Variants in IQCJ observed in about 807,000 individuals in gnomAD.
IQCJ encodes IQ motif containing J.
In IQCJ, 9 loss-of-function variants were observed where a neutral mutation model predicts 11.0. That is an observed-to-expected ratio of 0.82 (90% CI 0.49 to 1.43). IQCJ has a LOEUF of 1.43. IQCJ is among the 40% of genes most tolerant of loss of function. The pLI, the probability that IQCJ is intolerant of heterozygous loss-of-function variation, is 0.00. For synonymous variants in IQCJ, 55 were observed against 51.3 expected, an observed-to-expected ratio of 1.07 and a Z score of -0.31; for missense variants, 146 against 133.2, an observed-to-expected ratio of 1.10 and a Z score of -0.47.
rs376872471 is a variant in IQCJ at position 159,236,724 on chromosome 3, G to A, written c.10-9119G>A. On this transcript the variant is annotated intron_variant, in intron 1 of 3. Coordinates refer to ENST00000397832, the MANE Select transcript of IQCJ (RefSeq NM_001042706.3). ...AGCTTCATAAATTCTGTTGCAAAGA[G>A]CAATAATCAATATTTCATGTTTAAT... Among the ~76,000 whole-genome samples, 32 of 152,282 alleles carry A rather than the reference G, an allele frequency of 2.1e-4. No homozygotes were observed. The South Asian group carries it at 6.2e-3, about 30-fold the overall frequency.
chr3:159,254,793 G>A (rs372649129), intron 3 of IQCJ, among the ~76,000 whole-genome samples: 13 of 152,134 alleles, frequency 8.5e-5, no homozygotes, highest in African/African-American at 2.4e-4. Context: ...GACTGCCCCA[G>A]GTTTCCTATG....
intron 1 of IQCJ, among the ~76,000 whole-genome samples, chr3:159,214,515 A>T (rs1381250935): frequency 6.6e-6 from 1 of 152,190 alleles, no homozygotes; most frequent in Admixed American, 6.5e-5. Flanking sequence ...AATGTTTCAG[A>T]TTCAGGCTTT....
downstream of IQCJ, among the ~76,000 whole-genome samples, chr3:159,264,982 C>G (rs1411754807): frequency 2.0e-5 from 3 of 151,316 alleles, no homozygotes; most frequent in East Asian, 5.8e-4. Context: ...CAGGCCCTGC[C>G]CAGAATTCTA....
intron 1 of IQCJ, among the ~76,000 whole-genome samples, chr3:159,132,304 T>C (rs1720037922): frequency 6.6e-6 from 1 of 152,156 alleles, no homozygotes; most frequent in Non-Finnish European, 1.5e-5. Context: ...AGAAGTGTGA[T>C]TTGGAGAAAA....
At chr3:159,172,032 T>C (rs192332035) in intron 1 of IQCJ, among the ~76,000 whole-genome samples, 170 of 152,306 alleles carry the variant, frequency 1.1e-3, no homozygotes, top group Non-Finnish European at 1.8e-3. Context: ...GAAAATATTG[T>C]AGCAATATAT....
chr3:159,200,538 C>T (rs114133249), intron 1 of IQCJ, among the ~76,000 whole-genome samples: 1,776 of 152,150 alleles, frequency 0.012, 32 homozygotes, highest in African/African-American at 0.04. Flanking sequence ...GCAGAATTAA[C>T]GGGAAGCCTG....
At chr3:159,252,200 G>A (rs1431534270) in intron 2 of IQCJ, among the ~76,000 whole-genome samples, 1 of 152,128 alleles carries the variant, frequency 6.6e-6, no homozygotes, top group Non-Finnish European at 1.5e-5. Flanking sequence ...AGCACTAAGA[G>A]TGCTATAAGC....
chr3:159,149,284 A>G (rs1490192204), intron 1 of IQCJ, among the ~76,000 whole-genome samples: 1 of 152,214 alleles, frequency 6.6e-6, no homozygotes, highest in Non-Finnish European at 1.5e-5. Flanking sequence ...AATAAAAGGA[A>G]CGGCAGACTC....
intron 1 of IQCJ, among the ~76,000 whole-genome samples, chr3:159,091,785 A>T (rs76877922): frequency 6.6e-6 from 1 of 151,434 alleles, no homozygotes; most frequent in Admixed American, 6.6e-5. Context: ...ATGGCACTAA[A>T]ATATTGTAAC....
chr3:159,105,401 A>G (rs1259576959), intron 1 of IQCJ, among the ~76,000 whole-genome samples: 1 of 152,120 alleles, frequency 6.6e-6, no homozygotes, highest in Non-Finnish European at 1.5e-5. Flanking sequence ...TAACAGACTA[A>G]TTCATTAAGA....
intron 1 of IQCJ, among the ~76,000 whole-genome samples, chr3:159,137,247 G>A (rs901936130): frequency 2.0e-5 from 3 of 149,526 alleles, no homozygotes; most frequent in Non-Finnish European, 4.4e-5. Flanking sequence ...GGGCAACAGA[G>A]TGAGACTCCA....
At position 159,117,558 on chromosome 3, in the gene IQCJ, A is replaced by G. The variant is rs140084991; in HGVS notation, c.9+48117A>G. 2.2e-4 allele frequency among the ~76,000 whole-genome samples: 33 copies of G among 152,358 alleles called. No homozygotes were observed. In the East Asian group the frequency reaches 5.0e-3, roughly 23 times the overall value. On this transcript the variant is annotated intron_variant, in intron 1 of 3. Transcript: ENST00000397832. The stretch of plus-strand genomic sequence containing the variant: ...CATAGCAAAGTGATTAAAATTTTGT[A>G]AAAGCTGAATTAGTAAAGAGTCATA...
At chr3:159,090,053 A>G (rs1717131172) in intron 1 of IQCJ, among the ~76,000 whole-genome samples, 3 of 151,440 alleles carry the variant, frequency 2.0e-5, no homozygotes, top group Admixed American at 6.6e-5. Context: ...TTGTGGTTTT[A>G]TCTACTTTTG....
At chr3:159,147,621 T>C (rs1720992048) in intron 1 of IQCJ, among the ~76,000 whole-genome samples, 1 of 152,164 alleles carries the variant, frequency 6.6e-6, no homozygotes, top group Non-Finnish European at 1.5e-5. Flanking sequence ...GAAGAAGGTG[T>C]GGTTGGGGGA....
intron 1 of IQCJ, among the ~76,000 whole-genome samples, chr3:159,074,293 G>A (rs1364454656): frequency 1.3e-5 from 2 of 151,820 alleles, no homozygotes; most frequent in Non-Finnish European, 2.9e-5. Flanking sequence ...TCTTGAGTTA[G>A]GAATGTAAAA....
At chr3:159,161,390 T>A (rs1444105105) in intron 1 of IQCJ, among the ~76,000 whole-genome samples, 2 of 152,212 alleles carry the variant, frequency 1.3e-5, no homozygotes, top group Non-Finnish European at 2.9e-5. Flanking sequence ...TGTTTTTTTC[T>A]TGTAAATTTG....
chr3:159,126,398 C>A (rs1719680638), intron 1 of IQCJ, among the ~76,000 whole-genome samples: 2 of 152,192 alleles, frequency 1.3e-5, no homozygotes, highest in South Asian at 4.1e-4. Context: ...TGTGTGTCTC[C>A]TTCCCAATTT....
chr3:159,236,778 T>G (rs1726618128), intron 1 of IQCJ, among the ~76,000 whole-genome samples: 2 of 152,226 alleles, frequency 1.3e-5, no homozygotes, highest in African/African-American at 4.8e-5. Flanking sequence ...CTATAGATTT[T>G]ATGTCTTCTA....
chr3:159,235,980 C>A (rs1157650593), intron 1 of IQCJ, among the ~76,000 whole-genome samples: 2 of 152,156 alleles, frequency 1.3e-5, no homozygotes, highest in African/African-American at 4.8e-5. Flanking sequence ...GTGATTACTG[C>A]TGTAAGATCA....
Sources: allele counts gnomAD v4.1 joint callset (sites outside exome capture counted in the v4.1 genomes callset), GRCh38; gene constraint gnomAD v4.1.1; transcripts MANE v1.5; gene names NCBI Gene and HGNC (gene_info 2026-07-23, HGNC 2026-07-21).